Variants in TTC1 observed in about 807,000 individuals in gnomAD.
TTC1 encodes tetratricopeptide repeat domain 1, also known as tetratricopeptide repeat protein 1.
TTC1 carries 31 observed loss-of-function variants against 37.6 expected under a neutral mutation model. The observed-to-expected ratio is 0.82, with a 90% CI of 0.62 to 1.11. TTC1 has a LOEUF of 1.11. Ranked by LOEUF, TTC1 falls within the 50% of genes most tolerant of loss-of-function variation. The probability of loss-of-function intolerance (pLI) is 0.00; values close to 1 mark genes in which losing one functional copy is unlikely to be tolerated. For missense variants in TTC1, 351 were observed against 339.0 expected (o/e 1.04, Z -0.28); for synonymous variants, 127 against 122.4 (o/e 1.04, Z -0.25).
At chr5:160,045,522 T>TACA (rs1561634967) in intron 5 of TTC1, among the ~76,000 whole-genome samples, 4 of 66,736 alleles carry the variant, frequency 6.0e-5, no homozygotes, top group Non-Finnish European at 1.2e-4. Context: ...ACATACACAC[T>TACA]CTCTCTCTCT....
chr5:160,058,191 C>T (rs1406405226), intron 7 of TTC1, among the ~76,000 whole-genome samples: 1 of 152,224 alleles, frequency 6.6e-6, no homozygotes, highest in Non-Finnish European at 1.5e-5. Flanking sequence ...ACTCCTCATT[C>T]GAGTTGTATC....
intron 2 of TTC1, among the ~76,000 whole-genome samples, chr5:160,031,576 T>C (rs1477313811): frequency 6.6e-6 from 1 of 151,994 alleles, no homozygotes; most frequent in Non-Finnish European, 1.5e-5. Flanking sequence ...ATCATGCCAC[T>C]GCACTCCAGA....
At chr5:160,011,818 C>T (rs1756506638) in intron 2 of TTC1, among the ~76,000 whole-genome samples, 1 of 151,950 alleles carries the variant, frequency 6.6e-6, no homozygotes, top group Non-Finnish European at 1.5e-5. Flanking sequence ...TAGTTTATGC[C>T]ACTAAGGAGC....
chr5:160,051,292 A>G (rs977467367), intron 7 of TTC1, 109 bp downstream of exon 7: 1 of 829,344 alleles, frequency 1.2e-6, no homozygotes, highest in South Asian at 2.5e-5. Flanking sequence ...GGACTCTACC[A>G]CAAGGCTACT....
At chr5:160,055,865 A>G (rs908891688) in intron 7 of TTC1, among the ~76,000 whole-genome samples, 1 of 152,264 alleles carries the variant, frequency 6.6e-6, no homozygotes, top group African/African-American at 2.4e-5. Flanking sequence ...GAGAAAAACT[A>G]GAAAGCAAAT....
intron 7 of TTC1, among the ~76,000 whole-genome samples, chr5:160,055,734 A>C (rs548190921): frequency 8.5e-5 from 13 of 152,374 alleles, no homozygotes; most frequent in Middle Eastern, 3.4e-3. Flanking sequence ...GTGAGGGGTT[A>C]GAGGCCAGAG....
chr5:160,021,176 A>G (rs974935002), intron 2 of TTC1, among the ~76,000 whole-genome samples: 8 of 152,296 alleles, frequency 5.3e-5, no homozygotes, highest in Admixed American at 4.6e-4. Context: ...AGTGTCTGAC[A>G]CCACACACCT....
At chr5:160,021,951 C>CTGG in intron 2 of TTC1, among the ~76,000 whole-genome samples, 1 of 152,080 alleles carries the variant, frequency 6.6e-6, no homozygotes, top group East Asian at 1.9e-4. Context: ...ACTGTGATCC[C>CTGG]TGGGTACTGT....
chr5:160,014,291 G>C (rs1317633302), intron 2 of TTC1, among the ~76,000 whole-genome samples: 2 of 152,014 alleles, frequency 1.3e-5, no homozygotes, highest in East Asian at 3.9e-4. Flanking sequence ...CCAGGAGGTC[G>C]AGGTTGCAGT....
At chr5:160,051,799 A>C (rs1757410646) in intron 7 of TTC1, among the ~76,000 whole-genome samples, 1 of 152,166 alleles carries the variant, frequency 6.6e-6, no homozygotes, top group Non-Finnish European at 1.5e-5. Flanking sequence ...GGGTTCCTGA[A>C]CACAGACTTA....
chr5:160,059,317 T>G (rs1402952373), intron 7 of TTC1, among the ~76,000 whole-genome samples: 3 of 152,242 alleles, frequency 2.0e-5, no homozygotes. Context: ...CACGTTTATG[T>G]TATGGAGATG....
At chr5:160,012,738 C>T (rs1453696381) in intron 2 of TTC1, among the ~76,000 whole-genome samples, 2 of 151,922 alleles carry the variant, frequency 1.3e-5, no homozygotes, top group Non-Finnish European at 2.9e-5. Flanking sequence ...CACTTTTTTC[C>T]TCCTTTTAAA....
intron 4 of TTC1, among the ~76,000 whole-genome samples, chr5:160,040,247 AACACACACACATATGTATACACACAC>A (rs1383581712): frequency 6.6e-6 from 1 of 151,858 alleles, no homozygotes; most frequent in Non-Finnish European, 1.5e-5. Flanking sequence ...TAGATACATA[AACACACACACATATGTATACACACAC>A]ACACACACAT....
intron 5 of TTC1, 72 bp downstream of exon 5, chr5:160,043,241 G>A (rs762918272): frequency 3.2e-6 from 5 of 1,547,390 alleles, no homozygotes; most frequent in Non-Finnish European, 4.4e-6. Context: ...TTTGGGTCAG[G>A]TGTGCACTTG....
At chr5:160,011,901 G>C (rs1756508198) in intron 2 of TTC1, among the ~76,000 whole-genome samples, 1 of 152,196 alleles carries the variant, frequency 6.6e-6, no homozygotes, top group African/African-American at 2.4e-5. Flanking sequence ...GCCTAACAGT[G>C]GGGGTGGGAA....
chr5:160,062,958 G>A (rs1224311934), intron 7 of TTC1, among the ~76,000 whole-genome samples: 1 of 152,198 alleles, frequency 6.6e-6, no homozygotes, highest in Non-Finnish European at 1.5e-5. Flanking sequence ...ATGTGCCCGA[G>A]GCTGTGCCGC....
At chr5:160,011,777 A>G (rs1261696915) in intron 2 of TTC1, among the ~76,000 whole-genome samples, 1 of 152,186 alleles carries the variant, frequency 6.6e-6, no homozygotes, top group African/African-American at 2.4e-5. Context: ...TAATGTCTTG[A>G]GTTTGTCTAC....
At chr5:160,023,725 TA>T in intron 2 of TTC1, 1 of 1,606,616 alleles carries the variant, frequency 6.2e-7, no homozygotes. Context: ...TTTCCACTCC[TA>T]TGTGCTTCTT....
At position 160,010,594 on chromosome 5, in the gene TTC1, TACTC is replaced by T; in HGVS notation, c.68_71del (p.Thr23ArgfsTer64). Reference sequence around the variant, plus strand: ...TGTTAAATGGTTTGAAGGTTACAGATACTCAGGAAGCCGAGTGTGCTGGCCCTCC... The same window carrying T: ...TGTTAAATGGTTTGAAGGTTACAGATAGGAAGCCGAGTGTGCTGGCCCTCC... On this transcript the variant is annotated frameshift_variant, in exon 2 of 8. Transcript: ENST00000231238. LOFTEE classifies it high-confidence loss of function. 1.2e-6 allele frequency: 2 copies of T among 1,614,166 alleles called. No individual in the cohort carries two copies. The highest frequency in any genetic ancestry group is 1.7e-6 in the Non-Finnish European group (2 of 1,180,038).
Sources: allele counts gnomAD v4.1 joint callset (sites outside exome capture counted in the v4.1 genomes callset), GRCh38; gene constraint gnomAD v4.1.1; transcripts MANE v1.5; gene names NCBI Gene and HGNC (gene_info 2026-07-23, HGNC 2026-07-21).